ELAVL2: variants seen among roughly 807,000 people sequenced by gnomAD.
ELAVL2 encodes ELAV like RNA binding protein 2.
A neutral mutation model predicts 34.6 loss-of-function variants in ELAVL2; 4 were observed. The ratio of observed to expected loss-of-function variants is 0.12; its 90% CI spans 0.06 to 0.26. The LOEUF is 0.26. Ranked by LOEUF, ELAVL2 falls within the 10% of genes least tolerant of loss-of-function variation. The pLI, the probability that ELAVL2 is intolerant of heterozygous loss-of-function variation, is 1.00. For missense variants in ELAVL2, 432 were observed against 442.8 expected, an observed-to-expected ratio of 0.98 and a Z score of 0.22; for synonymous variants, 193 against 154.8, an observed-to-expected ratio of 1.25 and a Z score of -1.83.
In ELAVL2 at chr9:23,757,126, T is replaced by C. The variant is rs536301885; in HGVS notation, c.229+4880A>G. ...GGCTAGAATATCAAGTTCACAACCATAGATTATAATGTTTCTAGAGAAGCA... is the reference window on the plus strand; with the variant it reads ...GGCTAGAATATCAAGTTCACAACCACAGATTATAATGTTTCTAGAGAAGCA... On this transcript the variant is annotated intron_variant, in intron 2 of 6. Coordinates refer to ENST00000397312, the MANE Select transcript of ELAVL2 (RefSeq NM_004432.5). Among the ~76,000 whole-genome samples the C allele has an allele frequency of 8.7e-4, 133 of 152,218 alleles. No homozygotes were observed. The Middle Eastern group carries it at 0.01, about 12-fold the overall frequency.
At chr9:23,820,605 G>A (rs1020175008) in intron 1 of ELAVL2, among the ~76,000 whole-genome samples, 6 of 152,164 alleles carry the variant, frequency 3.9e-5, no homozygotes, top group African/African-American at 1.2e-4. Context: ...GGCCCTGAAG[G>A]ATAACAAGGA....
rs569303581 is a variant in ELAVL2, at chr9:23,741,946, C to T, written c.230-10821G>A. Among the ~76,000 whole-genome samples, 41 of 152,230 alleles carry T rather than the reference C, an allele frequency of 2.7e-4. 2 individuals carry two copies. Among genetic ancestry groups the T allele is most frequent in the African/African-American group, 8.4e-4 (35 of 41,544 alleles). On this transcript the variant is annotated intron_variant, in intron 2 of 6. Coordinates refer to ENST00000397312, the MANE Select transcript of ELAVL2 (RefSeq NM_004432.5). ...AGTGGCAAGCAGCTGAACCTGGGTT[C>T]GGTTACAGGCCTTCTAGAGTAATGG...
At chr9:23,787,099 A>G (rs1160758657) in intron 1 of ELAVL2, among the ~76,000 whole-genome samples, 1 of 152,188 alleles carries the variant, frequency 6.6e-6, no homozygotes, top group Non-Finnish European at 1.5e-5. Context: ...CAAATGTGAG[A>G]AAGAATATGA....
chr9:23,798,626 AG>A (rs1187617635), intron 1 of ELAVL2, among the ~76,000 whole-genome samples: 1 of 152,164 alleles, frequency 6.6e-6, no homozygotes, highest in Non-Finnish European at 1.5e-5. Context: ...TTTCATATAA[AG>A]TATCAGAATA....
At chr9:23,738,516 G>C (rs1191131689) in intron 2 of ELAVL2, among the ~76,000 whole-genome samples, 1 of 152,120 alleles carries the variant, frequency 6.6e-6, no homozygotes, top group Non-Finnish European at 1.5e-5. Context: ...ATTTCTACCA[G>C]CTTCCCAAAG....
chr9:23,787,609 C>T (rs528652278), intron 1 of ELAVL2, among the ~76,000 whole-genome samples: 119 of 151,804 alleles, frequency 7.8e-4, no homozygotes, highest in African/African-American at 2.8e-3. Context: ...ACTCACAAAA[C>T]CTGCCAATGT....
intron 1 of ELAVL2, among the ~76,000 whole-genome samples, chr9:23,824,517 C>T (rs1313194073): frequency 6.6e-6 from 1 of 152,078 alleles, no homozygotes; most frequent in East Asian, 1.9e-4. Context: ...TAGCTTTTTC[C>T]CATCCTCTGC....
the ELAVL2 span, among the ~76,000 whole-genome samples, chr9:23,839,115 A>C: frequency 1.3e-5 from 2 of 152,166 alleles, no homozygotes; most frequent in Non-Finnish European, 1.5e-5. Flanking sequence ...TATTTATCTT[A>C]TTAGATTTAT....
chr9:23,762,313 C>A, intron 1 of ELAVL2, 64 bp from the exon 2 acceptor site: 1 of 1,558,514 alleles, frequency 6.4e-7, no homozygotes, highest in South Asian at 1.2e-5. Flanking sequence ...AGACTCCATC[C>A]AAGAATTTAA....
intron 1 of ELAVL2, among the ~76,000 whole-genome samples, chr9:23,775,276 G>A (rs754754474): frequency 2.6e-5 from 4 of 152,114 alleles, no homozygotes; most frequent in East Asian, 1.9e-4. Context: ...CTTGTGGAGC[G>A]GGCAAGGTGA....
chr9:23,705,532 G>C (rs2039028965), intron 3 of ELAVL2, among the ~76,000 whole-genome samples: 2 of 152,338 alleles, frequency 1.3e-5, no homozygotes, highest in East Asian at 1.9e-4. Context: ...CACAATAATA[G>C]GCTGTCTTCT....
chr9:23,760,622 C>T (rs2054753292), intron 2 of ELAVL2, among the ~76,000 whole-genome samples: 1 of 152,008 alleles, frequency 6.6e-6, no homozygotes, highest in Admixed American at 6.6e-5. Flanking sequence ...GCTTATCACA[C>T]TCATTTTGGA....
At chr9:23,832,176 G>A in the ELAVL2 span, 1 of 152,158 alleles carries the variant, frequency 6.6e-6, no homozygotes, top group Non-Finnish European at 1.5e-5. Context: ...CTGGCCTTTT[G>A]GCTGAAGTGA....
intron 1 of ELAVL2, among the ~76,000 whole-genome samples, chr9:23,794,181 C>G (rs1027970126): frequency 1.3e-5 from 2 of 152,232 alleles, no homozygotes; most frequent in Non-Finnish European, 2.9e-5. Flanking sequence ...ATGAGCTTAT[C>G]TTTCCCCTTC....
chr9:23,704,854 A>T, intron 4 of ELAVL2, 64 bp downstream of exon 4: 4 of 1,589,538 alleles, frequency 2.5e-6, no homozygotes, highest in Non-Finnish European at 3.4e-6. Flanking sequence ...ATGGAAAGAC[A>T]GAATATTTCA....
intron 1 of ELAVL2, among the ~76,000 whole-genome samples, chr9:23,774,284 A>G (rs2057850338): frequency 6.6e-6 from 1 of 151,672 alleles, no homozygotes; most frequent in Non-Finnish European, 1.5e-5. Context: ...TTTTGGATTA[A>G]GCCTGTCAGT....
intron 1 of ELAVL2, among the ~76,000 whole-genome samples, chr9:23,767,252 TC>T (rs987898546): frequency 3.9e-5 from 6 of 152,252 alleles, no homozygotes; most frequent in Non-Finnish European, 8.8e-5. Flanking sequence ...AATTTTAACA[TC>T]TACTGTTTTC....
intron 3 of ELAVL2, among the ~76,000 whole-genome samples, chr9:23,727,185 T>G (rs1427989068): frequency 6.6e-6 from 1 of 152,090 alleles, no homozygotes; most frequent in African/African-American, 2.4e-5. Context: ...ATGATGTCAT[T>G]TCACCAGCAA....
chr9:23,725,533 T>G (rs1388790540), intron 3 of ELAVL2, among the ~76,000 whole-genome samples: 3 of 152,186 alleles, frequency 2.0e-5, no homozygotes, highest in African/African-American at 7.2e-5. Context: ...CCTCTCCTCC[T>G]TCTTTACAGT....
Sources: gnomAD v4.1 joint callset for allele counts (sites outside exome capture counted in the v4.1 genomes callset) on GRCh38, gnomAD v4.1.1 for gene constraint, MANE v1.5 for transcripts, NCBI Gene and HGNC (gene_info 2026-07-23, HGNC 2026-07-21) for gene names.